The following BRD10 variants were observed in gnomAD, a reference collection of about 807,000 sequenced individuals.
The protein encoded by BRD10 is bromodomain containing 10.
chr9:5,880,144 C>T, the BRD10 span, among the ~76,000 whole-genome samples: 2 of 151,328 alleles, frequency 1.3e-5, no homozygotes, highest in Admixed American at 1.3e-4. Context: ...TGGTCTCACT[C>T]CTGACCTCAA....
chr9:5,901,969 T>C, the BRD10 span, among the ~76,000 whole-genome samples: 1 of 152,176 alleles, frequency 6.6e-6, no homozygotes, highest in African/African-American at 2.4e-5. Context: ...TATTGAGCTG[T>C]AGTTTTCTCT....
chr9:5,907,102 C>G, the BRD10 span: 1 of 717,238 alleles, frequency 1.4e-6, no homozygotes, highest in South Asian at 2.5e-5. Flanking sequence ...TGAATGTACT[C>G]ATTGCCACTG....
chr9:5,951,977 A>G, the BRD10 span, among the ~76,000 whole-genome samples: 3 of 151,598 alleles, frequency 2.0e-5, no homozygotes, highest in Admixed American at 2.0e-4. Context: ...TCCCTCTAGG[A>G]CACCTTGAGA....
chr9:5,967,181 G>A, the BRD10 span, among the ~76,000 whole-genome samples: 1 of 151,876 alleles, frequency 6.6e-6, no homozygotes, highest in Non-Finnish European at 1.5e-5. Flanking sequence ...AGATTTTAAT[G>A]TTAATTCCAC....
the BRD10 span, among the ~76,000 whole-genome samples, chr9:5,901,094 G>A: frequency 1.3e-5 from 2 of 151,918 alleles, no homozygotes; most frequent in African/African-American, 4.8e-5. Context: ...AACCGGTAGA[G>A]TGGATCATAC....
chr9:5,998,389 A>G, the BRD10 span, among the ~76,000 whole-genome samples: 1 of 152,168 alleles, frequency 6.6e-6, no homozygotes, highest in South Asian at 2.1e-4. Context: ...TTAGATTTCC[A>G]TAATATGTAT....
chr9:5,889,193 A>G, the BRD10 span, among the ~76,000 whole-genome samples: 1 of 152,234 alleles, frequency 6.6e-6, no homozygotes, highest in Admixed American at 6.5e-5. Context: ...CCAATTGTCC[A>G]TGACAGCACC....
chr9:5,924,788 A>C, the BRD10 span: 1 of 1,589,918 alleles, frequency 6.3e-7, no homozygotes, highest in Non-Finnish European at 8.6e-7. Context: ...GTTCTCTATT[A>C]AATGTATCAT....
chr9:5,911,546 T>TC, the BRD10 span, among the ~76,000 whole-genome samples: 1 of 151,276 alleles, frequency 6.6e-6, no homozygotes, highest in African/African-American at 2.4e-5. Context: ...TCTTTTCTTT[T>TC]TTTTTTTTTG....
chr9:5,955,514 A>C, the BRD10 span, among the ~76,000 whole-genome samples: 1 of 152,220 alleles, frequency 6.6e-6, no homozygotes, highest in Non-Finnish European at 1.5e-5. Flanking sequence ...CTCAATTGAC[A>C]CAATTCCAGT....
chr9:5,879,855 C>T, the BRD10 span, among the ~76,000 whole-genome samples: 2 of 152,172 alleles, frequency 1.3e-5, no homozygotes, highest in Admixed American at 6.5e-5. Context: ...GCTCGGATCT[C>T]CCTGTCAGAT....
At chr9:5,943,557 A>G in the BRD10 span, among the ~76,000 whole-genome samples, 1 of 151,958 alleles carries the variant, frequency 6.6e-6, no homozygotes, top group Non-Finnish European at 1.5e-5. Context: ...AAAAAAAAAA[A>G]AAACCCTCTG....
At chr9:5,982,693 T>C in the BRD10 span, among the ~76,000 whole-genome samples, 2 of 152,190 alleles carry the variant, frequency 1.3e-5, no homozygotes, top group African/African-American at 4.8e-5. Flanking sequence ...CTTCTCTTCA[T>C]AAATTACCCA....
chr9:5,906,322 T>A, the BRD10 span, among the ~76,000 whole-genome samples: 1 of 127,298 alleles, frequency 7.9e-6, no homozygotes, highest in Non-Finnish European at 1.7e-5. Context: ...AGAGTGAGAC[T>A]CTGTCTCAAA....
At chr9:6,004,147 C>G in the BRD10 span, among the ~76,000 whole-genome samples, 32 of 152,344 alleles carry the variant, frequency 2.1e-4, no homozygotes, top group East Asian at 5.2e-3. Flanking sequence ...TAGTCTCTTT[C>G]TCTTCCTTAC....
chr9:5,952,503 T>C, the BRD10 span, among the ~76,000 whole-genome samples: 1 of 152,252 alleles, frequency 6.6e-6, no homozygotes, highest in Non-Finnish European at 1.5e-5. Flanking sequence ...TATGTAATTG[T>C]GCTGATTTCT....
At chr9:5,997,041 C>T in the BRD10 span, among the ~76,000 whole-genome samples, 1 of 152,170 alleles carries the variant, frequency 6.6e-6, no homozygotes, top group Admixed American at 6.5e-5. Flanking sequence ...TTTAAAGTAG[C>T]TGATTGTAAA....
chr9:5,910,099 G>C, the BRD10 span: 4 of 152,190 alleles, frequency 2.6e-5, no homozygotes, highest in Non-Finnish European at 1.5e-5. Context: ...TGCTCTCTTT[G>C]TCAAACAGAG....
chr9:5,978,453 G>A, the BRD10 span, among the ~76,000 whole-genome samples: 1 of 149,724 alleles, frequency 6.7e-6, no homozygotes, highest in African/African-American at 2.4e-5. Flanking sequence ...TTGATGGCAT[G>A]AAAAAGGGAA....
Sources: gnomAD v4.1 joint callset for allele counts (sites outside exome capture counted in the v4.1 genomes callset) on GRCh38, gnomAD v4.1.1 for gene constraint, MANE v1.5 for transcripts, NCBI Gene and HGNC (gene_info 2026-07-23, HGNC 2026-07-21) for gene names.